The following PPFIA2 variants were observed in gnomAD, a reference collection of about 807,000 sequenced individuals.
PPFIA2 encodes the protein PPFI scaffold protein A2, also known as liprin-alpha-2.
PPFIA2 carries 46 observed loss-of-function variants against 175.5 expected under a neutral mutation model. That is an observed-to-expected ratio of 0.26 (90% CI 0.21 to 0.34). The LOEUF is 0.34. PPFIA2 is among the 10% of genes least tolerant of loss of function. The pLI is 1.00. For missense variants in PPFIA2, 1,179 were observed against 1,506.1 expected (o/e 0.78, Z 3.60); for synonymous variants, 568 against 511.4 (o/e 1.11, Z -1.49).
intron 7 of PPFIA2, chr12:81,424,991 G>A (rs2046893866): frequency 6.6e-6 from 1 of 152,166 alleles, no homozygotes; most frequent in East Asian, 1.9e-4. Context: ...GAGATTAGAA[G>A]AAATGAATAC....
At position 81,267,919 on chromosome 12, in the gene PPFIA2, T is replaced by A; in HGVS notation, c.3479A>T (p.Asn1160Ile). The A allele has an allele frequency of 6.3e-7, 1 of 1,590,960 alleles. No homozygotes were observed. The highest frequency in any genetic ancestry group is 1.3e-5 in the African/African-American group (1 of 74,614). Reference sequence around the variant, plus strand: ...CAGCAGAAAGTGACTTGCCTGGGTGTTCTGTGTTGGAATCTGTAATAATAA... The same window carrying A: ...CAGCAGAAAGTGACTTGCCTGGGTGATCTGTGTTGGAATCTGTAATAATAA... ...LALLLQIPTQNTQARQILERE... is the reference protein window; with the variant it reads ...LALLLQIPTQITQARQILERE... The change falls in exon 29 of 33, where the codon AAC becomes ATC. Residue 1160 changes from asparagine (N) to isoleucine (I), a missense_variant. Physicochemically the swap from Asn to Ile is moderately radical, Grantham distance 149. Coordinates refer to ENST00000549396, the MANE Select transcript of PPFIA2 (RefSeq NM_003625.5).
chr12:81,513,664 G>A (rs2062060981), intron 4 of PPFIA2, among the ~76,000 whole-genome samples: 1 of 151,896 alleles, frequency 6.6e-6, no homozygotes, highest in African/African-American at 2.4e-5. Flanking sequence ...TAATATTTGT[G>A]TAACAGTTTA....
At chr12:81,482,311 A>G (rs2058328621) in intron 4 of PPFIA2, among the ~76,000 whole-genome samples, 1 of 152,242 alleles carries the variant, frequency 6.6e-6, no homozygotes, top group Non-Finnish European at 1.5e-5. Flanking sequence ...TAGTTCAACC[A>G]TTGTGGAAGA....
intron 7 of PPFIA2, among the ~76,000 whole-genome samples, chr12:81,412,126 T>C (rs2044075715): frequency 6.6e-6 from 1 of 151,882 alleles, no homozygotes; most frequent in Admixed American, 6.6e-5. Flanking sequence ...GGAAACATAT[T>C]ATCATGAAAA....
At chr12:81,308,653 A>T (rs2049961760) in intron 22 of PPFIA2, among the ~76,000 whole-genome samples, 1 of 152,218 alleles carries the variant, frequency 6.6e-6, no homozygotes. Context: ...GAAGTGGCAT[A>T]CATTTATTTG....
At chr12:81,440,665 G>A (rs17008574) in intron 6 of PPFIA2, among the ~76,000 whole-genome samples, 22,623 of 151,636 alleles carry the variant, frequency 0.15, 2,480 homozygotes, top group East Asian at 0.41. Flanking sequence ...GTATTTTATA[G>A]AACAAAAATC....
At chr12:81,543,174 T>C (rs938650073) in intron 4 of PPFIA2, among the ~76,000 whole-genome samples, 1 of 152,026 alleles carries the variant, frequency 6.6e-6, no homozygotes, top group African/African-American at 2.4e-5. Context: ...CATTCTCCAA[T>C]AAAAGAAGTT....
intron 4 of PPFIA2, among the ~76,000 whole-genome samples, chr12:81,610,935 T>C (rs958759390): frequency 6.6e-6 from 1 of 152,108 alleles, no homozygotes; most frequent in Non-Finnish European, 1.5e-5. Context: ...TTGTGCAGGA[T>C]TTTTGTTGTG....
At chr12:81,377,366 A>T (rs1250681048) in intron 9 of PPFIA2, among the ~76,000 whole-genome samples, 1 of 152,106 alleles carries the variant, frequency 6.6e-6, no homozygotes, top group African/African-American at 2.4e-5. Flanking sequence ...CCTGGCTAAC[A>T]TGGTGAAATC....
At chr12:81,528,377 T>C (rs1197400636) in intron 4 of PPFIA2, among the ~76,000 whole-genome samples, 1 of 152,098 alleles carries the variant, frequency 6.6e-6, no homozygotes, top group African/African-American at 2.4e-5. Context: ...AAGTGTCAGC[T>C]TTCTACTGAA....
chr12:81,474,900 G>C (rs1156564669), intron 4 of PPFIA2, among the ~76,000 whole-genome samples: 1 of 152,096 alleles, frequency 6.6e-6, no homozygotes, highest in Non-Finnish European at 1.5e-5. Context: ...ATACAAAAGA[G>C]GGACTCTGAC....
intron 4 of PPFIA2, among the ~76,000 whole-genome samples, chr12:81,594,279 A>C (rs1158386499): frequency 1.3e-5 from 2 of 152,150 alleles, no homozygotes; most frequent in East Asian, 1.9e-4. Context: ...GGAGGTTACT[A>C]TGTTTCCAAA....
At chr12:81,629,049 A>T (rs547916047) in intron 4 of PPFIA2, among the ~76,000 whole-genome samples, 1 of 152,292 alleles carries the variant, frequency 6.6e-6, no homozygotes, top group African/African-American at 2.4e-5. Context: ...CTCTTCCAGA[A>T]GGGATATGTG....
chr12:81,717,904 A>G (rs2078849562), intron 3 of PPFIA2, among the ~76,000 whole-genome samples: 1 of 151,632 alleles, frequency 6.6e-6, no homozygotes, highest in South Asian at 2.1e-4. Flanking sequence ...TTAGCTTCAG[A>G]CTACCGTCAA....
chr12:81,505,721 C>T (rs1172099862), intron 4 of PPFIA2: 1 of 152,204 alleles, frequency 6.6e-6, no homozygotes, highest in Non-Finnish European at 1.5e-5. Context: ...TGCCCTGAGC[C>T]ACATGTACCA....
chr12:81,397,977 T>G (rs906912055), intron 8 of PPFIA2, among the ~76,000 whole-genome samples: 1 of 151,966 alleles, frequency 6.6e-6, no homozygotes, highest in African/African-American at 2.4e-5. Flanking sequence ...ACCATCTAGT[T>G]GCAGGAAAAC....
intron 4 of PPFIA2, among the ~76,000 whole-genome samples, chr12:81,491,723 T>C (rs984578814): frequency 1.3e-5 from 2 of 151,922 alleles, no homozygotes; most frequent in African/African-American, 2.4e-5. Flanking sequence ...AAATAGCTGT[T>C]TAAGCCACTC....
chr12:81,545,670 G>A (rs1267065248), intron 4 of PPFIA2: 1 of 152,138 alleles, frequency 6.6e-6, no homozygotes, highest in Non-Finnish European at 1.5e-5. Flanking sequence ...CTGCTCAGTT[G>A]GTGAATTTCT....
At chr12:81,288,972 A>C (rs947620531) in intron 24 of PPFIA2, among the ~76,000 whole-genome samples, 1 of 151,830 alleles carries the variant, frequency 6.6e-6, no homozygotes, top group African/African-American at 2.4e-5. Flanking sequence ...AAAAGAAGGA[A>C]AACTGATAGA....
Sources: gnomAD v4.1 joint callset for allele counts (sites outside exome capture counted in the v4.1 genomes callset) on GRCh38, gnomAD v4.1.1 for gene constraint, MANE v1.5 for transcripts, NCBI Gene and HGNC (gene_info 2026-07-23, HGNC 2026-07-21) for gene names.